Variants in IPO11 observed in about 807,000 individuals in gnomAD.
The protein encoded by IPO11 is importin 11, also known as importin-11.
IPO11 carries 66 observed loss-of-function variants against 143.2 expected under a neutral mutation model. The ratio of observed to expected loss-of-function variants is 0.46; its 90% CI spans 0.38 to 0.57. IPO11 has a LOEUF of 0.57. Ranked by LOEUF, IPO11 falls within the 20% of genes least tolerant of loss-of-function variation. The probability of loss-of-function intolerance (pLI) is 0.00; values close to 1 mark genes in which losing one functional copy is unlikely to be tolerated. For synonymous variants in IPO11, 385 were observed against 377.8 expected, an observed-to-expected ratio of 1.02 and a Z score of -0.22; for missense variants, 1,026 against 1,141.0, an observed-to-expected ratio of 0.90 and a Z score of 1.45.
intron 1 of IPO11, among the ~76,000 whole-genome samples, chr5:62,423,953 C>T (rs937145127): frequency 1.3e-5 from 2 of 152,094 alleles, no homozygotes; most frequent in Admixed American, 6.5e-5. Flanking sequence ...CTTGTATTTC[C>T]TATCCATGAT....
chr5:62,443,351 T>C (rs1393014072), intron 3 of IPO11: 1 of 317,316 alleles, frequency 3.2e-6, no homozygotes, highest in African/African-American at 2.2e-5. Context: ...TCAACAGCTA[T>C]ATTATTGTTT....
intron 29 of IPO11, among the ~76,000 whole-genome samples, chr5:62,608,431 C>T (rs1362166780): frequency 1.3e-5 from 2 of 152,094 alleles, no homozygotes; most frequent in South Asian, 2.1e-4. Flanking sequence ...GGTTGAAAAC[C>T]ACTAGAATAA....
rs906722267 is a variant in IPO11 at position 62,627,372 on chromosome 5, C to T, written c.*54C>T. ...TTCAGAAACAAGCTGAGTAACCCAGCCTGCCGTTTGTATGTGAGAGCCTGC... is the reference window on the plus strand; with the variant it reads ...TTCAGAAACAAGCTGAGTAACCCAGTCTGCCGTTTGTATGTGAGAGCCTGC... On this transcript the variant is annotated 3_prime_UTR_variant, in exon 30 of 30. Transcript: ENST00000325324. The T allele has an allele frequency of 6.5e-7, 1 of 1,545,666 alleles. No individual in the cohort carries two copies. Among genetic ancestry groups the T allele is most frequent in the African/African-American group, 1.4e-5 (1 of 73,780 alleles).
intron 24 of IPO11, among the ~76,000 whole-genome samples, chr5:62,543,888 A>G (rs924287205): frequency 1.3e-5 from 2 of 151,630 alleles, no homozygotes; most frequent in African/African-American, 4.8e-5. Flanking sequence ...ATGTTGTGTC[A>G]TTGTTCTCGT....
At chr5:62,554,057 G>A (rs917641820) in intron 26 of IPO11, among the ~76,000 whole-genome samples, 3 of 152,170 alleles carry the variant, frequency 2.0e-5, no homozygotes, top group Non-Finnish European at 2.9e-5. Flanking sequence ...TCATGTACCT[G>A]TTGGCCATTC....
At chr5:62,444,695 C>T (rs1035166549) in intron 3 of IPO11, among the ~76,000 whole-genome samples, 4 of 151,876 alleles carry the variant, frequency 2.6e-5, no homozygotes, top group Admixed American at 1.3e-4. Flanking sequence ...ATGGCGAAAC[C>T]CCACCTCTTC....
At position 62,561,123 on chromosome 5, in the gene IPO11, C is replaced by G. The variant is rs368095879; in HGVS notation, c.2461-13C>G. The G allele has an allele frequency of 1.3e-6, 2 of 1,597,520 alleles. No individual in the cohort carries two copies. Among genetic ancestry groups the G allele is most frequent in the Non-Finnish European group, 1.7e-6 (2 of 1,172,966 alleles). On this transcript the variant is annotated splice_polypyrimidine_tract_variant and intron_variant, in intron 26 of 29. Coordinates refer to ENST00000325324, the MANE Select transcript of IPO11 (RefSeq NM_016338.5). ...TTTTAGGTATTTTGAGATGCCTCCT[C>G]CTCTTGTTTCAGATGGACCAGCTTT...
intron 2 of IPO11, among the ~76,000 whole-genome samples, chr5:62,437,906 A>C (rs1744299709): frequency 6.6e-6 from 1 of 152,232 alleles, no homozygotes; most frequent in South Asian, 2.1e-4. Flanking sequence ...TAATTAATTA[A>C]CAATATGTGC....
intron 27 of IPO11, chr5:62,579,727 C>A: frequency 8.4e-6 from 13 of 1,548,060 alleles, no homozygotes; most frequent in Non-Finnish European, 8.7e-6. Flanking sequence ...TTCTAACATT[C>A]TGTATGTATA....
At chr5:62,526,340 A>G in intron 21 of IPO11, 83 bp downstream of exon 21, 1 of 921,754 alleles carries the variant, frequency 1.1e-6, no homozygotes, top group Non-Finnish European at 1.7e-6. Flanking sequence ...AAGGTCATGT[A>G]ATAGGGCTTT....
At chr5:62,465,151 T>C (rs1745523891) in intron 5 of IPO11, among the ~76,000 whole-genome samples, 1 of 152,188 alleles carries the variant, frequency 6.6e-6, no homozygotes, top group Non-Finnish European at 1.5e-5. Flanking sequence ...TAATTTTAGG[T>C]GTTTTGTAGA....
At chr5:62,427,619 A>C (rs1420659041) in intron 1 of IPO11, among the ~76,000 whole-genome samples, 2 of 152,220 alleles carry the variant, frequency 1.3e-5, no homozygotes, top group Non-Finnish European at 2.9e-5. Context: ...TCATAAAAGC[A>C]CAAACCCTGT....
chr5:62,423,814 T>G (rs1159110648), intron 1 of IPO11, among the ~76,000 whole-genome samples: 1 of 152,200 alleles, frequency 6.6e-6, no homozygotes, highest in Non-Finnish European at 1.5e-5. Flanking sequence ...AGTTTTCTAA[T>G]ATACTCACTT....
At chr5:62,432,906 C>T (rs944075043) in intron 1 of IPO11, among the ~76,000 whole-genome samples, 1 of 152,190 alleles carries the variant, frequency 6.6e-6, no homozygotes, top group Non-Finnish European at 1.5e-5. Flanking sequence ...GTTGGTTAAG[C>T]TGGCGACTGA....
chr5:62,446,881 A>G (rs990732533), intron 3 of IPO11, among the ~76,000 whole-genome samples: 1 of 151,878 alleles, frequency 6.6e-6, no homozygotes, highest in African/African-American at 2.4e-5. Context: ...AGGCAGGAGA[A>G]TCTCGAACCT....
chr5:62,417,695 C>G (rs78547201), intron 1 of IPO11, among the ~76,000 whole-genome samples: 1,653 of 152,294 alleles, frequency 0.011, 24 homozygotes, highest in Non-Finnish European at 0.013. Context: ...CATGAATGGT[C>G]TCATTTGTGA....
At chr5:62,488,752 C>T (rs542334946) in intron 13 of IPO11, among the ~76,000 whole-genome samples, 3 of 152,280 alleles carry the variant, frequency 2.0e-5, no homozygotes, top group East Asian at 3.9e-4. Context: ...CCTGTAATTC[C>T]AGCACTTTGG....
chr5:62,458,988 T>C (rs1013718117), intron 5 of IPO11, among the ~76,000 whole-genome samples: 2 of 152,226 alleles, frequency 1.3e-5, no homozygotes, highest in African/African-American at 2.4e-5. Context: ...TCCATCTATT[T>C]ATCTGACAAA....
intron 29 of IPO11, among the ~76,000 whole-genome samples, chr5:62,607,306 G>T (rs952593420): frequency 1.3e-5 from 2 of 152,096 alleles, no homozygotes; most frequent in African/African-American, 4.8e-5. Context: ...TATTTCATAA[G>T]GTTTTCTGGA....
Sources: allele counts gnomAD v4.1 joint callset (sites outside exome capture counted in the v4.1 genomes callset), GRCh38; gene constraint gnomAD v4.1.1; transcripts MANE v1.5; gene names NCBI Gene and HGNC (gene_info 2026-07-23, HGNC 2026-07-21).